ADGRD1: variants seen among roughly 807,000 people sequenced by gnomAD.
ADGRD1 encodes G-protein coupled receptor 133.
In ADGRD1, 77 loss-of-function variants were observed where a neutral mutation model predicts 113.4. The observed-to-expected ratio is 0.68, with a 90% CI of 0.57 to 0.82. ADGRD1 has a LOEUF of 0.82. ADGRD1 is among the 40% of genes least tolerant of loss of function. The pLI, the probability that ADGRD1 is intolerant of heterozygous loss-of-function variation, is 0.00. For missense variants in ADGRD1, 1,036 were observed against 1,139.1 expected, an observed-to-expected ratio of 0.91 and a Z score of 1.30; for synonymous variants, 474 against 475.0, an observed-to-expected ratio of 1.00 and a Z score of 0.03.
intron 4 of ADGRD1, chr12:130,976,707 A>G (rs1235714297): frequency 2.6e-5 from 4 of 152,062 alleles, no homozygotes; most frequent in Non-Finnish European, 5.9e-5. Flanking sequence ...CGGTGCTTTC[A>G]GTGTTTTTCT....
intron 8 of ADGRD1, among the ~76,000 whole-genome samples, chr12:130,996,143 A>G (rs1875291645): frequency 1.3e-5 from 2 of 151,948 alleles, no homozygotes; most frequent in Non-Finnish European, 1.5e-5. Context: ...TTTTCTTAGT[A>G]CAGAACAAAA....
At chr12:131,098,664 T>C (rs1270701782) in intron 15 of ADGRD1, among the ~76,000 whole-genome samples, 1 of 152,136 alleles carries the variant, frequency 6.6e-6, no homozygotes, top group Non-Finnish European at 1.5e-5. Context: ...ATCATGGCCG[T>C]GTGAGGGCCA....
chr12:131,062,632 G>A (rs1003296169), intron 13 of ADGRD1, among the ~76,000 whole-genome samples: 5 of 152,064 alleles, frequency 3.3e-5, no homozygotes, highest in Admixed American at 6.5e-5. Flanking sequence ...GTTGCCCTGC[G>A]AAAGCTCTCT....
intron 2 of ADGRD1, among the ~76,000 whole-genome samples, chr12:130,960,655 T>TCC: frequency 7.4e-5 from 1 of 13,544 alleles, no homozygotes; most frequent in Admixed American, 1.6e-3. Context: ...TGCAAAAATC[T>TCC]CTCTCTCACA....
intron 13 of ADGRD1, among the ~76,000 whole-genome samples, chr12:131,061,389 A>C (rs1376717745): frequency 6.6e-6 from 1 of 152,198 alleles, no homozygotes; most frequent in Non-Finnish European, 1.5e-5. Flanking sequence ...GAACTCAGCA[A>C]ATCAAAATGA....
intron 12 of ADGRD1, among the ~76,000 whole-genome samples, chr12:131,012,618 GT>G (rs1878071301): frequency 6.6e-6 from 1 of 152,226 alleles, no homozygotes; most frequent in Admixed American, 6.5e-5. Context: ...GAGGCCGGGG[GT>G]GAGGTGGGAC....
At chr12:131,011,029 G>A (rs561286900) in intron 12 of ADGRD1, among the ~76,000 whole-genome samples, 29 of 152,110 alleles carry the variant, frequency 1.9e-4, no homozygotes, top group East Asian at 1.2e-3. Context: ...AGGACGGGGC[G>A]GGTGGAGGCA....
At chr12:131,018,215 C>T (rs887605005) in intron 13 of ADGRD1, among the ~76,000 whole-genome samples, 3 of 152,242 alleles carry the variant, frequency 2.0e-5, no homozygotes, top group Non-Finnish European at 4.4e-5. Context: ...CTCTCCCACT[C>T]CTCCAGCTCC....
chr12:131,132,308 G>A (rs1274334346), intron 21 of ADGRD1, among the ~76,000 whole-genome samples: 3 of 152,162 alleles, frequency 2.0e-5, no homozygotes, highest in Non-Finnish European at 2.9e-5. Flanking sequence ...GGGCTGCCCC[G>A]CCTGGAGAAG....
At chr12:131,070,663 G>A in intron 13 of ADGRD1, 2 of 369,146 alleles carry the variant, frequency 5.4e-6, no homozygotes, top group South Asian at 3.9e-5. Flanking sequence ...GCAGTGAGCA[G>A]AGGTGGGAGG....
intron 12 of ADGRD1, among the ~76,000 whole-genome samples, chr12:131,013,056 C>T (rs1321034003): frequency 6.6e-6 from 1 of 152,176 alleles, no homozygotes; most frequent in African/African-American, 2.4e-5. Context: ...AGCTGGTCAT[C>T]CTTGGGGTCG....
At chr12:130,958,113 TCTCA>T (rs1490264580) in intron 2 of ADGRD1, 1 of 153,832 alleles carries the variant, frequency 6.5e-6, no homozygotes, top group African/African-American at 2.4e-5. Context: ...CTGCCTTCTC[TCTCA>T]CTTTGTTTCC....
At chr12:131,026,728 C>G (rs1165900891) in intron 13 of ADGRD1, 4 of 152,202 alleles carry the variant, frequency 2.6e-5, no homozygotes, top group Admixed American at 1.3e-4. Context: ...TTGATGCCAG[C>G]AGCCCCTCCC....
At chr12:130,956,605 C>T (rs567039747) in intron 2 of ADGRD1, 1 of 152,388 alleles carries the variant, frequency 6.6e-6, no homozygotes, top group East Asian at 1.9e-4. Context: ...GAGGGGTAGC[C>T]CCTCGAACTG....
intron 20 of ADGRD1, among the ~76,000 whole-genome samples, chr12:131,125,569 T>C (rs1037215121): frequency 6.6e-6 from 1 of 152,174 alleles, no homozygotes; most frequent in African/African-American, 2.4e-5. Context: ...GAAATGTAGA[T>C]ACAGATATAG....
At chr12:131,087,891 T>G (rs1886601970) in intron 15 of ADGRD1, among the ~76,000 whole-genome samples, 1 of 152,198 alleles carries the variant, frequency 6.6e-6, no homozygotes. Context: ...CAGAGGGCGG[T>G]GAACGTAGAA....
intron 13 of ADGRD1, among the ~76,000 whole-genome samples, chr12:131,039,196 A>G (rs34923151): frequency 0.015 from 1,678 of 110,290 alleles, 36 homozygotes; most frequent in African/African-American, 0.051. Flanking sequence ...GCCACTGCCC[A>G]CTGAGCCGGG....
chr12:131,132,677 C>T (rs1440129452), intron 21 of ADGRD1, among the ~76,000 whole-genome samples: 2 of 152,184 alleles, frequency 1.3e-5, no homozygotes, highest in South Asian at 2.1e-4. Flanking sequence ...GCCTGGAGGA[C>T]GATGGGGACT....
At chr12:130,973,959 G>A (rs1872001120) in intron 4 of ADGRD1, among the ~76,000 whole-genome samples, 1 of 152,200 alleles carries the variant, frequency 6.6e-6, no homozygotes, top group Non-Finnish European at 1.5e-5. Context: ...AACAAAGTCA[G>A]GAAACCTTCA....
Sources: allele counts gnomAD v4.1 joint callset (sites outside exome capture counted in the v4.1 genomes callset), GRCh38; gene constraint gnomAD v4.1.1; transcripts MANE v1.5; gene names NCBI Gene and HGNC (gene_info 2026-07-23, HGNC 2026-07-21).